Variants in CLN8 observed in about 807,000 individuals in gnomAD.
CLN8 encodes CLN8 transmembrane ER and ERGIC protein.
A neutral mutation model predicts 15.7 loss-of-function variants in CLN8; 14 were observed. The ratio of observed to expected loss-of-function variants is 0.89; its 90% confidence interval spans 0.59 to 1.39. CLN8 has a LOEUF of 1.39. CLN8 is among the 40% of genes most tolerant of loss of function. The pLI is 0.00. For synonymous variants in CLN8, 188 were observed against 151.0 expected, an observed-to-expected ratio of 1.25 and a Z score of -1.80; for missense variants, 415 against 364.0, an observed-to-expected ratio of 1.14 and a Z score of -1.14.
Position 1,771,371 on chromosome 8 carries a change from A to G in CLN8, c.317A>G (p.His106Arg). 2 of 1,614,186 alleles carry G rather than the reference A, an allele frequency of 1.2e-6. No homozygotes were observed. The highest frequency in any genetic ancestry group is 1.7e-6 in the Non-Finnish European group (2 of 1,180,042). Residue 106 changes from histidine (H) to arginine (R), a missense_variant, in exon 2 of 3, where the codon CAC becomes CGC. By Grantham distance (29) the His-to-Arg change is conservative. Transcript: ENST00000331222. ...ARGQQNWCWF[H>R]ITTATGFFCF... ...GGCCAGCAGAACTGGTGCTGGTTTC[A>G]CATCACGACAGCAACGGGATTCTTT... is the stretch of plus-strand genomic sequence containing the variant.
chr8:1,784,434 G>C lies in CLN8; in HGVS notation c.*3867G>C, dbSNP rs761325027. 1 of 152,202 alleles carries C rather than the reference G, an allele frequency of 6.6e-6. No homozygotes were observed. The highest frequency in any genetic ancestry group is 1.5e-5 in the Non-Finnish European group (1 of 68,090). The allele number at this position is 152,202 out of a possible 1,614,324, so 9.4% of individuals were successfully genotyped here. The stretch of plus-strand genomic sequence containing the variant: ...GTCAACAGGCCTCAGCTAGTTCTCC[G>C]CTGCCTTTTTATGAGGCATTAAGCC... On this transcript the variant is annotated 3_prime_UTR_variant, in exon 3 of 3. Transcript: ENST00000331222.
At chr8:1,779,380 A>G (rs1344847409) in intron 2 of CLN8, among the ~76,000 whole-genome samples, 1 of 152,148 alleles carries the variant, frequency 6.6e-6, no homozygotes, top group Non-Finnish European at 1.5e-5. Flanking sequence ...ATTAGCTGGG[A>G]TTACATGGTG....
chr8:1,760,666 C>G (rs11774407), upstream of CLN8, among the ~76,000 whole-genome samples: 9,873 of 152,172 alleles, frequency 0.065, 444 homozygotes, highest in South Asian at 0.18. Flanking sequence ...TAAGACAGGC[C>G]TCAGCATGCT....
Position 1,780,639 on chromosome 8 carries a change from C to T in CLN8, c.*72C>T. Reference sequence around the variant, plus strand: ...TTCTGGGAAGCCCCGCGAATGATGGCTTTTGAATTAATGAGGCAGTGAATG... The same window carrying T: ...TTCTGGGAAGCCCCGCGAATGATGGTTTTTGAATTAATGAGGCAGTGAATG... On this transcript the variant is annotated 3_prime_UTR_variant, in exon 3 of 3. Transcript: ENST00000331222. 1 of 1,412,006 alleles carries T rather than the reference C, an allele frequency of 7.1e-7. No individual in the cohort carries two copies. Among genetic ancestry groups the T allele is most frequent in the Non-Finnish European group, 9.9e-7 (1 of 1,009,616 alleles). 87.5% of individuals were successfully genotyped at this position (1,412,006 alleles called of 1,614,324 possible).
upstream of CLN8, among the ~76,000 whole-genome samples, chr8:1,754,476 G>T (rs910240513): frequency 6.6e-6 from 1 of 152,008 alleles, no homozygotes; most frequent in African/African-American, 2.4e-5. Context: ...TCTTTATTTG[G>T]TCTCAACATG....
chr8:1,777,995 T>C (rs1801580751), intron 2 of CLN8, among the ~76,000 whole-genome samples: 1 of 152,278 alleles, frequency 6.6e-6, no homozygotes, highest in South Asian at 2.1e-4. Context: ...CGCTGAGCCC[T>C]GGGCACTGCT....
chr8:1,778,832 T>C (rs1801611544), intron 2 of CLN8, among the ~76,000 whole-genome samples: 2 of 152,198 alleles, frequency 1.3e-5, no homozygotes, highest in Admixed American at 6.5e-5. Flanking sequence ...AGACTTAGAA[T>C]AGATGCTCTT....
intron 2 of CLN8, among the ~76,000 whole-genome samples, chr8:1,777,387 C>T (rs375138279): frequency 1.3e-5 from 2 of 152,216 alleles, no homozygotes; most frequent in South Asian, 4.1e-4. Flanking sequence ...CTGTACTCTC[C>T]TATAGACTTT....
chr8:1,773,225 G>A (rs1801384095), intron 2 of CLN8, among the ~76,000 whole-genome samples: 3 of 152,182 alleles, frequency 2.0e-5, no homozygotes, highest in African/African-American at 7.2e-5. Context: ...CGGACCCTCT[G>A]CAGGAGGAGC....
intron 2 of CLN8, among the ~76,000 whole-genome samples, chr8:1,774,268 G>C (rs747403540): frequency 4.6e-5 from 7 of 152,144 alleles, no homozygotes; most frequent in African/African-American, 1.7e-4. Flanking sequence ...AATGGAGAAA[G>C]GGTTATTTAA....
intron 2 of CLN8, among the ~76,000 whole-genome samples, chr8:1,776,968 A>G (rs1469640514): frequency 1.3e-5 from 2 of 152,218 alleles, no homozygotes; most frequent in Admixed American, 6.5e-5. Flanking sequence ...GCAAAAGAGT[A>G]CACAGCGTGT....
chr8:1,775,804 C>G (rs1801489167), intron 2 of CLN8, among the ~76,000 whole-genome samples: 1 of 131,204 alleles, frequency 7.6e-6, no homozygotes, highest in African/African-American at 2.6e-5. Context: ...TGTCTTCAGA[C>G]ACACACTCTT....
At position 1,781,449 on chromosome 8, in the gene CLN8, G is replaced by C. The variant is rs1801711324; in HGVS notation, c.*882G>C. 6.6e-6 allele frequency: 1 copy of C among 151,646 alleles called. No individual in the cohort carries two copies. Among genetic ancestry groups the C allele is most frequent in the Non-Finnish European group, 1.5e-5 (1 of 67,960 alleles). The allele number at this position is 151,646 out of a possible 1,614,324, so 9.4% of individuals were successfully genotyped here. On this transcript the variant is annotated 3_prime_UTR_variant, in exon 3 of 3. Transcript: ENST00000331222. ...AAGTGGTACAAAGACAACGCTGAGG[G>C]GTAGTGACTCCTGTAGCAGCAGAGA...
intron 2 of CLN8, chr8:1,773,038 G>T: frequency 2.5e-6 from 1 of 398,298 alleles, no homozygotes; most frequent in South Asian, 1.3e-4. Flanking sequence ...AAACAGTACA[G>T]ACTGTTCATG....
chr8:1,763,145 G>C (rs1800848447), upstream of CLN8: 1 of 151,942 alleles, frequency 6.6e-6, no homozygotes. Context: ...CCGAGCCCCG[G>C]GGAGGCTCCG....
At chr8:1,762,465 A>G (rs1800823034), upstream of CLN8, 1 of 152,168 alleles carries the variant, frequency 6.6e-6, no homozygotes, top group South Asian at 2.1e-4. Context: ...TTCCCCTAAC[A>G]TCATGAAGGC....
chr8:1,753,626 C>G (rs1800602906), upstream of CLN8, among the ~76,000 whole-genome samples: 1 of 66,956 alleles, frequency 1.5e-5, no homozygotes, highest in Non-Finnish European at 3.7e-5. Context: ...GTGGCTCACA[C>G]CTGTAATCCC....
upstream of CLN8, among the ~76,000 whole-genome samples, chr8:1,761,664 G>A (rs994134067): frequency 3.3e-5 from 5 of 152,192 alleles, no homozygotes; most frequent in East Asian, 1.9e-4. Flanking sequence ...GGTAGGTAGG[G>A]GGCCAGTAAG....
chr8:1,780,163 G>T, intron 2 of CLN8, 87 bp from the exon 3 acceptor site: 1 of 1,609,696 alleles, frequency 6.2e-7, no homozygotes, highest in Admixed American at 1.7e-5. Flanking sequence ...TGTTTGGTAA[G>T]TAAGGTAGCA....
Sources: allele counts gnomAD v4.1 joint callset (sites outside exome capture counted in the v4.1 genomes callset), GRCh38; gene constraint gnomAD v4.1.1; transcripts MANE v1.5; gene names NCBI Gene and HGNC (gene_info 2026-07-23, HGNC 2026-07-21).